Variants in WWOX observed in about 807,000 individuals in gnomAD.
The protein encoded by WWOX is WW domain-containing oxidoreductase.
A neutral mutation model predicts 46.2 loss-of-function variants in WWOX; 69 were observed. The ratio of observed to expected loss-of-function variants is 1.49; its 90% confidence interval spans 1.23 to 1.82. The LOEUF (loss-of-function observed/expected upper bound fraction) is 1.82, where lower values mean the gene tolerates loss of function less well. Ranked by LOEUF, WWOX falls within the 40% of genes most tolerant of loss-of-function variation. The pLI, the probability that WWOX is intolerant of heterozygous loss-of-function variation, is 0.00. For missense variants in WWOX, 919 were observed against 542.6 expected, an observed-to-expected ratio of 1.69 and a Z score of -6.89; for synonymous variants, 359 against 202.6, an observed-to-expected ratio of 1.77 and a Z score of -6.56.
chr16:78,256,189 G>A (rs995100779), intron 5 of WWOX, among the ~76,000 whole-genome samples: 3 of 148,906 alleles, frequency 2.0e-5, no homozygotes, highest in Non-Finnish European at 4.4e-5. Context: ...CTCATTCAAG[G>A]CTACACATTT....
At chr16:78,713,763 C>G (rs114940313) in intron 8 of WWOX, among the ~76,000 whole-genome samples, 2,028 of 152,232 alleles carry the variant, frequency 0.013, 55 homozygotes, top group African/African-American at 0.046. Flanking sequence ...GTGAGAAAAT[C>G]AATTTCTGTT....
intron 8 of WWOX, among the ~76,000 whole-genome samples, chr16:78,513,499 G>A (rs569918044): frequency 6.6e-6 from 1 of 152,278 alleles, no homozygotes; most frequent in Non-Finnish European, 1.5e-5. Context: ...GTATCTTACT[G>A]TATGATGGTT....
At chr16:78,859,502 G>A (rs1030792199) in intron 8 of WWOX, among the ~76,000 whole-genome samples, 3 of 152,082 alleles carry the variant, frequency 2.0e-5, no homozygotes, top group African/African-American at 4.8e-5. Context: ...GTTATAGCTC[G>A]ATTTTTATCA....
At chr16:78,738,191 T>C (rs1366374637) in intron 8 of WWOX, among the ~76,000 whole-genome samples, 1 of 152,182 alleles carries the variant, frequency 6.6e-6, no homozygotes, top group Admixed American at 6.5e-5. Flanking sequence ...CAGAAGGTTG[T>C]TACTGAGAGG....
intron 1 of WWOX, among the ~76,000 whole-genome samples, chr16:78,104,758 TTTAA>T (rs1373988636): frequency 2.0e-5 from 3 of 152,320 alleles, no homozygotes; most frequent in African/African-American, 7.2e-5. Flanking sequence ...AAGAACATCT[TTTAA>T]TTAATTTTTA....
Position 78,970,021 on chromosome 16 carries a change from C to A in WWOX, c.1057-241587C>A, listed in dbSNP as rs192979561. Among the ~76,000 whole-genome samples the A allele has an allele frequency of 5.9e-5, 9 of 151,674 alleles. No homozygotes were observed. The East Asian group carries it at 1.7e-3, about 29-fold the overall frequency. Reference sequence around the variant, plus strand: ...GTATATGAATCATATCTCAACAAAGCTGTTAAAAAATTGTATGAAAACTGT... The same window carrying A: ...GTATATGAATCATATCTCAACAAAGATGTTAAAAAATTGTATGAAAACTGT... On this transcript the variant is annotated intron_variant, in intron 8 of 8. Transcript: ENST00000566780.
At chr16:78,505,817 C>T (rs1032194854) in intron 8 of WWOX, among the ~76,000 whole-genome samples, 7 of 106,658 alleles carry the variant, frequency 6.6e-5, no homozygotes, top group Admixed American at 2.5e-4. Context: ...AAAAATTACC[C>T]AGATGATCTG....
intron 8 of WWOX, among the ~76,000 whole-genome samples, chr16:78,717,143 T>C (rs139165765): frequency 1.3e-5 from 2 of 152,344 alleles, no homozygotes; most frequent in Non-Finnish European, 2.9e-5. Flanking sequence ...AGAGGTGCTC[T>C]GTGTAAATCT....
chr16:78,826,950 G>C (rs1316298897), intron 8 of WWOX, among the ~76,000 whole-genome samples: 1 of 152,066 alleles, frequency 6.6e-6, no homozygotes, highest in Non-Finnish European at 1.5e-5. Context: ...TACATTTTTT[G>C]AATATGTTTC....
intron 8 of WWOX, among the ~76,000 whole-genome samples, chr16:78,739,833 CAAAA>C (rs902304282): frequency 3.9e-5 from 6 of 152,070 alleles, no homozygotes; most frequent in African/African-American, 9.7e-5. Context: ...AACAAACAAA[CAAAA>C]ACCCCAGATA....
intron 4 of WWOX, among the ~76,000 whole-genome samples, chr16:78,150,658 C>T (rs1458898045): frequency 6.6e-6 from 1 of 152,138 alleles, no homozygotes; most frequent in African/African-American, 2.4e-5. Context: ...GCTGAGATTA[C>T]AGGTGTGAGC....
intron 8 of WWOX, among the ~76,000 whole-genome samples, chr16:79,087,237 T>C (rs1267874401): frequency 6.6e-6 from 1 of 152,218 alleles, no homozygotes; most frequent in African/African-American, 2.4e-5. Context: ...CATGGATCAG[T>C]GCCTCTCTTC....
chr16:78,354,857 G>A (rs1295935302), intron 5 of WWOX, among the ~76,000 whole-genome samples: 1 of 152,170 alleles, frequency 6.6e-6, no homozygotes, highest in Non-Finnish European at 1.5e-5. Context: ...ATGACAGCCA[G>A]GGGTGGTGGT....
At chr16:78,908,565 A>G (rs1176182877) in intron 8 of WWOX, among the ~76,000 whole-genome samples, 1 of 150,800 alleles carries the variant, frequency 6.6e-6, no homozygotes, top group Non-Finnish European at 1.5e-5. Context: ...AGTTTAATTC[A>G]TGCAGAGCTG....
intron 8 of WWOX, among the ~76,000 whole-genome samples, chr16:79,151,278 C>G (rs939141311): frequency 6.6e-6 from 1 of 152,192 alleles, no homozygotes; most frequent in Non-Finnish European, 1.5e-5. Flanking sequence ...CTTTGAGGTT[C>G]TTTCCAAGTA....
At chr16:78,453,013 C>G (rs35884746) in intron 8 of WWOX, among the ~76,000 whole-genome samples, 24 of 151,876 alleles carry the variant, frequency 1.6e-4, no homozygotes, top group African/African-American at 5.8e-4. Flanking sequence ...TCCCGAGTAG[C>G]TGGGATTACA....
intron 8 of WWOX, among the ~76,000 whole-genome samples, chr16:79,177,760 G>T (rs1197653126): frequency 6.6e-6 from 1 of 152,166 alleles, no homozygotes; most frequent in Non-Finnish European, 1.5e-5. Context: ...TTCTGAAAAG[G>T]GACAGATAGT....
chr16:78,824,525 A>G (rs766355215), intron 8 of WWOX, among the ~76,000 whole-genome samples: 1 of 152,212 alleles, frequency 6.6e-6, no homozygotes, highest in Non-Finnish European at 1.5e-5. Context: ...CTGCTGATAA[A>G]GACACACCCG....
intron 8 of WWOX, among the ~76,000 whole-genome samples, chr16:79,130,500 G>A (rs946973173): frequency 6.6e-6 from 1 of 152,144 alleles, no homozygotes; most frequent in Non-Finnish European, 1.5e-5. Context: ...CCTTTGAGCT[G>A]AGTCTTGAGA....
Sources: allele counts gnomAD v4.1 joint callset (sites outside exome capture counted in the v4.1 genomes callset), GRCh38; gene constraint gnomAD v4.1.1; transcripts MANE v1.5; gene names NCBI Gene and HGNC (gene_info 2026-07-23, HGNC 2026-07-21).